The following ABCA4 variants were observed in gnomAD, a reference collection of about 807,000 sequenced individuals.
The protein encoded by ABCA4 is retinal-specific phospholipid-transporting ATPase ABCA4.
ABCA4 carries 196 observed loss-of-function variants against 263.7 expected under a neutral mutation model. The ratio of observed to expected loss-of-function variants is 0.74; its 90% CI spans 0.66 to 0.84. The LOEUF (loss-of-function observed/expected upper bound fraction) is 0.84. Ranked by LOEUF, ABCA4 falls within the 40% of genes least tolerant of loss-of-function variation. ABCA4 has a pLI of 0.00. For synonymous variants in ABCA4, 1,133 were observed against 1,094.2 expected (o/e 1.04, Z -0.70); for missense variants, 2,792 against 2,855.1 (o/e 0.98, Z 0.50).
At chr1:94,017,587 C>G (rs760582878) in intron 36 of ABCA4, among the ~76,000 whole-genome samples, 1 of 152,064 alleles carries the variant, frequency 6.6e-6, no homozygotes, top group Non-Finnish European at 1.5e-5. Context: ...GGGCAATGGG[C>G]GAAAGAGGAG....
At chr1:94,088,837 G>C (rs180964468) in intron 6 of ABCA4, among the ~76,000 whole-genome samples, 1,630 of 152,306 alleles carry the variant, frequency 0.011, 31 homozygotes, top group African/African-American at 0.037. Flanking sequence ...CATCTAAGAG[G>C]GGGTAGGAGC....
rs768914472 is a variant in ABCA4, at chr1:94,021,252, G to A, written c.5006C>T (p.Ser1669Leu). The A allele has an allele frequency of 3.7e-6, 6 of 1,614,098 alleles. No homozygotes were observed. In the South Asian group the frequency reaches 4.4e-5, roughly 12 times the overall value. The change falls in exon 35 of 50, where the codon TCA (serine) becomes TTA (leucine). Residue 1669 changes from serine to leucine, a missense_variant. Transcript: ENST00000370225. ...TGTGGTGGCTTACACTGTAATCTCT[G>A]AGAGCTGCTCCTTGGTCAGGTTCAG... is the stretch of plus-strand genomic sequence containing the variant. ...QPLNLTKEQLSEITVLTTSVD... is the reference protein window; with the variant it reads ...QPLNLTKEQLLEITVLTTSVD...
Position 94,001,117 on chromosome 1 carries a change from A to G in ABCA4, c.6283-12T>C. Reference sequence around the variant, plus strand: ...GTGGTGGGCTCATCCTGGGGGGTGGAGAGAAGGTTGGGGGCACAGGCTGGG... The same window carrying G: ...GTGGTGGGCTCATCCTGGGGGGTGGGGAGAAGGTTGGGGGCACAGGCTGGG... On this transcript the variant is annotated splice_polypyrimidine_tract_variant and intron_variant, in intron 45 of 49. Coordinates refer to ENST00000370225, the MANE Select transcript of ABCA4 (RefSeq NM_000350.3). 1 of 1,609,408 alleles carries G rather than the reference A, an allele frequency of 6.2e-7. No individual in the cohort carries two copies. The highest frequency in any genetic ancestry group is 8.5e-7 in the Non-Finnish European group (1 of 1,176,844).
chr1:94,072,817 C>T (rs1661439591), intron 11 of ABCA4, among the ~76,000 whole-genome samples: 1 of 152,136 alleles, frequency 6.6e-6, no homozygotes, highest in African/African-American at 2.4e-5. Flanking sequence ...CTAACTGGGC[C>T]GTCTGACTTC....
chr1:94,114,166 G>A (rs1460521380), intron 1 of ABCA4, among the ~76,000 whole-genome samples: 3 of 152,138 alleles, frequency 2.0e-5, no homozygotes, highest in Non-Finnish European at 4.4e-5. Context: ...ATGTAAATAG[G>A]CTCTCAGCAA....
chr1:94,010,593 T>C, intron 40 of ABCA4: 1 of 727,946 alleles, frequency 1.4e-6, no homozygotes, highest in Non-Finnish European at 2.4e-6. Context: ...ATTTTAAATA[T>C]TTTAAAGTGG....
At chr1:94,025,574 C>G (rs1660019188) in intron 30 of ABCA4, 1 of 166,820 alleles carries the variant, frequency 6.0e-6, no homozygotes, top group African/African-American at 2.4e-5. Flanking sequence ...TGCCACACTC[C>G]CCTCCCTGTC....
intron 6 of ABCA4, among the ~76,000 whole-genome samples, chr1:94,084,311 G>C (rs545455977): frequency 1.3e-5 from 2 of 152,334 alleles, no homozygotes; most frequent in East Asian, 3.9e-4. Flanking sequence ...AGTGAGCACT[G>C]GGCATGTGCC....
chr1:94,038,941 T>C (rs1259360063), intron 24 of ABCA4, among the ~76,000 whole-genome samples: 2 of 152,122 alleles, frequency 1.3e-5, no homozygotes, highest in Non-Finnish European at 2.9e-5. Context: ...CCCGATTCTA[T>C]ACAAAGAAAA....
intron 2 of ABCA4, among the ~76,000 whole-genome samples, chr1:94,111,945 C>G (rs1662617857): frequency 6.6e-6 from 1 of 152,242 alleles, no homozygotes; most frequent in Admixed American, 6.5e-5. Context: ...TCGTCTATTC[C>G]TTCAACCACG....
intron 30 of ABCA4, among the ~76,000 whole-genome samples, chr1:94,027,397 T>A (rs1222215762): frequency 6.6e-6 from 1 of 152,202 alleles, no homozygotes; most frequent in Non-Finnish European, 1.5e-5. Flanking sequence ...TATCACAGCC[T>A]TGACGTCCTG....
intron 1 of ABCA4, among the ~76,000 whole-genome samples, chr1:94,114,385 TA>T (rs1233825163): frequency 6.6e-6 from 1 of 152,230 alleles, no homozygotes; most frequent in Non-Finnish European, 1.5e-5. Flanking sequence ...TGTAACTTTT[TA>T]CAAGATGTTT....
At position 94,024,818 on chromosome 1, in the gene ABCA4, C is replaced by A. The variant is rs75843983; in HGVS notation, c.4634+136G>T. 4.3e-3 allele frequency: 2,969 copies of A among 694,296 alleles called. 68 individuals carry two copies. The African/African-American group carries it at 0.048, about 11-fold the overall frequency. 43.0% of individuals were successfully genotyped at this position (694,296 alleles called of 1,614,324 possible). A position where few individuals can be genotyped will look rare whatever the true frequency, so the allele number is the denominator to read the frequency against. On this transcript the variant is annotated intron_variant, in intron 31 of 49. Transcript: ENST00000370225. The stretch of plus-strand genomic sequence containing the variant: ...CAATTGCTTTTTATGTTGAATGGGG[C>A]CCTCAAATCAGATAAAAAAGAAAAA...
At chr1:94,102,981 C>G in intron 5 of ABCA4, 34 bp downstream of exon 5, 1 of 1,614,064 alleles carries the variant, frequency 6.2e-7, no homozygotes, top group Non-Finnish European at 8.5e-7. Context: ...CTTCCCTCCC[C>G]TCCAGGGACC....
chr1:94,034,722 T>C (rs1211742571), intron 26 of ABCA4, among the ~76,000 whole-genome samples: 1 of 151,688 alleles, frequency 6.6e-6, no homozygotes, highest in African/African-American at 2.4e-5. Context: ...CCAACCTCTG[T>C]GAGCTCAGTT....
At chr1:94,099,106 C>A (rs1662222610) in intron 5 of ABCA4, 115 bp from the exon 6 acceptor site, 12 of 1,195,640 alleles carry the variant, frequency 1.0e-5, no homozygotes, top group Middle Eastern at 2.7e-4. Flanking sequence ...ATTAAGATCG[C>A]AGATGGGATT....
At position 94,044,664 on chromosome 1, in the gene ABCA4, G is replaced by A. The variant is rs781780151; in HGVS notation, c.2999C>T (p.Ala1000Val). The A allele has an allele frequency of 1.4e-5, 22 of 1,614,102 alleles. No homozygotes were observed. The highest frequency in any genetic ancestry group is 1.6e-4 in the Middle Eastern group (1 of 6,084). ...GGRDIETSLD[A>V]VRQSLGMCPQ... ...ACACATGCCAAGGCTCTGCCGGACT[G>A]CATCCAGGCTGGTTTCAATGTCCCT... is the stretch of plus-strand genomic sequence containing the variant. The change falls in exon 20 of 50, where the codon GCA becomes GTA. Residue 1000 changes from alanine (A) to valine (V), a missense_variant. Ala to Val is a moderately conservative substitution (Grantham distance 64). Coordinates refer to ENST00000370225, the MANE Select transcript of ABCA4 (RefSeq NM_000350.3).
chr1:94,044,803 G>A (rs1170344313), intron 19 of ABCA4, 59 bp from the exon 20 acceptor site: 4 of 1,612,838 alleles, frequency 2.5e-6, no homozygotes, highest in Non-Finnish European at 3.4e-6. Context: ...GCCTTAGGAG[G>A]GCCACCCCCA....
intron 26 of ABCA4, among the ~76,000 whole-genome samples, chr1:94,036,328 T>TA (rs1389993665): frequency 6.0e-5 from 9 of 151,014 alleles, no homozygotes; most frequent in African/African-American, 2.2e-4. Context: ...GGGAGTCAGA[T>TA]ACTATGGAGG....
Sources: gnomAD v4.1 joint callset for allele counts (sites outside exome capture counted in the v4.1 genomes callset) on GRCh38, gnomAD v4.1.1 for gene constraint, MANE v1.5 for transcripts, NCBI Gene and HGNC (gene_info 2026-07-23, HGNC 2026-07-21) for gene names.